The following GSK3B variants were observed in gnomAD, a reference collection of about 807,000 sequenced individuals.
GSK3B encodes glycogen synthase kinase-3 beta.
GSK3B carries 15 observed loss-of-function variants against 56.4 expected under a neutral mutation model. The ratio of observed to expected loss-of-function variants is 0.27; its 90% CI spans 0.18 to 0.41. GSK3B has a LOEUF of 0.41. GSK3B is among the 10% of genes least tolerant of loss of function. GSK3B has a pLI of 1.00. For missense variants in GSK3B, 300 were observed against 513.4 expected, an observed-to-expected ratio of 0.58 and a Z score of 4.02; for synonymous variants, 181 against 188.9, an observed-to-expected ratio of 0.96 and a Z score of 0.34.
chr3:119,994,430 C>T (rs991089172), intron 2 of GSK3B, among the ~76,000 whole-genome samples: 3 of 152,060 alleles, frequency 2.0e-5, no homozygotes, highest in African/African-American at 7.2e-5. Context: ...CATACTAAAA[C>T]TAGTTGGTAA....
At chr3:119,882,591 A>C (rs1180291665) in intron 7 of GSK3B, among the ~76,000 whole-genome samples, 2 of 152,184 alleles carry the variant, frequency 1.3e-5, no homozygotes, top group Non-Finnish European at 2.9e-5. Flanking sequence ...CATATAATTA[A>C]GGTTTGATAT....
chr3:120,022,944 C>T (rs2057892070), intron 1 of GSK3B, among the ~76,000 whole-genome samples: 1 of 152,192 alleles, frequency 6.6e-6, no homozygotes, highest in Non-Finnish European at 1.5e-5. Context: ...ACAGTGCTTA[C>T]TCATTATTCG....
chr3:119,827,426 T>A, intron 10 of GSK3B, among the ~76,000 whole-genome samples: 1 of 151,500 alleles, frequency 6.6e-6, no homozygotes, highest in East Asian at 1.9e-4. Context: ...TATCAACAGA[T>A]GAATGGATAA....
chr3:120,064,072 A>G (rs2058260297), intron 1 of GSK3B, among the ~76,000 whole-genome samples: 1 of 152,206 alleles, frequency 6.6e-6, no homozygotes, highest in East Asian at 1.9e-4. Context: ...AAGAATTATT[A>G]AATTGTTTTT....
intron 2 of GSK3B, among the ~76,000 whole-genome samples, chr3:119,987,461 A>G (rs1255498154): frequency 6.6e-6 from 1 of 152,248 alleles, no homozygotes; most frequent in Non-Finnish European, 1.5e-5. Flanking sequence ...TTTTACCTAC[A>G]TTAAAAAGTT....
At chr3:119,889,361 A>G (rs1011833118) in intron 7 of GSK3B, among the ~76,000 whole-genome samples, 1 of 152,174 alleles carries the variant, frequency 6.6e-6, no homozygotes, top group Non-Finnish European at 1.5e-5. Flanking sequence ...TATAAACAAC[A>G]AATATTGTAA....
At chr3:119,940,006 G>T (rs555432722) in intron 3 of GSK3B, among the ~76,000 whole-genome samples, 1 of 151,824 alleles carries the variant, frequency 6.6e-6, no homozygotes, top group Non-Finnish European at 1.5e-5. Flanking sequence ...GGAACACCAA[G>T]AACTAATGGT....
chr3:119,939,866 T>C (rs2057030180), intron 3 of GSK3B, among the ~76,000 whole-genome samples: 1 of 152,094 alleles, frequency 6.6e-6, no homozygotes, highest in African/African-American at 2.4e-5. Context: ...TACTAAAATT[T>C]GAGGCTCTAG....
intron 1 of GSK3B, chr3:120,028,806 G>A (rs1483267110): frequency 1.4e-5 from 6 of 443,738 alleles, no homozygotes; most frequent in African/African-American, 4.0e-5. Flanking sequence ...GCCAGTGGGC[G>A]GCCGCAGCTG....
chr3:119,940,996 C>T (rs1227305802), intron 3 of GSK3B, among the ~76,000 whole-genome samples: 1 of 151,438 alleles, frequency 6.6e-6, no homozygotes, highest in Non-Finnish European at 1.5e-5. Flanking sequence ...ACTTCTAGTA[C>T]TGCAACTATT....
In GSK3B at chr3:120,009,845, T is replaced by TA. The variant is rs201007907; in HGVS notation, c.89-7607dup. ...CCACAACTTAAAGTATAATAATAAT[T>TA]AAAAAAAAAGATGGCACTCATGACA... On this transcript the variant is annotated intron_variant, in intron 1 of 10. Coordinates refer to ENST00000264235, the MANE Select transcript of GSK3B (RefSeq NM_001146156.2). Among the ~76,000 whole-genome samples the TA allele has an allele frequency of 1.4e-4, 21 of 150,632 alleles. No homozygotes were observed. In the East Asian group the frequency reaches 2.1e-3, roughly 15 times the overall value.
At chr3:119,942,947 T>C (rs1246996194) in intron 3 of GSK3B, among the ~76,000 whole-genome samples, 2 of 152,130 alleles carry the variant, frequency 1.3e-5, no homozygotes, top group African/African-American at 2.4e-5. Flanking sequence ...AGTATACGAA[T>C]TGACTACATG....
intron 1 of GSK3B, among the ~76,000 whole-genome samples, chr3:120,083,697 A>T (rs1022218660): frequency 2.0e-5 from 3 of 152,182 alleles, no homozygotes; most frequent in African/African-American, 7.2e-5. Flanking sequence ...CCACACAAAA[A>T]CTTGCACACA....
chr3:119,948,225 ATAAAG>A (rs1337313988), intron 2 of GSK3B, among the ~76,000 whole-genome samples: 1 of 152,236 alleles, frequency 6.6e-6, no homozygotes, highest in Non-Finnish European at 1.5e-5. Context: ...GCTAGAAAAC[ATAAAG>A]TATACACCTG....
intron 1 of GSK3B, 59 bp downstream of exon 1, chr3:120,093,288 G>T: frequency 9.2e-7 from 1 of 1,083,420 alleles, no homozygotes. Flanking sequence ...CTGGTATTTC[G>T]AGGTTTCTTA....
At chr3:119,982,439 C>G (rs2057472636) in intron 2 of GSK3B, among the ~76,000 whole-genome samples, 1 of 152,106 alleles carries the variant, frequency 6.6e-6, no homozygotes, top group African/African-American at 2.4e-5. Flanking sequence ...AATGTTCAAA[C>G]CCATCGCAAG....
chr3:119,942,389 C>G (rs984700496), intron 3 of GSK3B, among the ~76,000 whole-genome samples: 1 of 152,142 alleles, frequency 6.6e-6, no homozygotes, highest in African/African-American at 2.4e-5. Context: ...ACCTCCTCCT[C>G]CTGGGTTCAA....
Position 119,826,523 on chromosome 3 carries a change from A to T in GSK3B, c.*265T>A. 1.7e-6 allele frequency: 1 copy of T among 574,042 alleles called. No homozygotes were observed. Among genetic ancestry groups the T allele is most frequent in the Admixed American group, 2.8e-5 (1 of 35,786 alleles). 35.6% of individuals were successfully genotyped at this position (574,042 alleles called of 1,614,324 possible). On this transcript the variant is annotated 3_prime_UTR_variant, in exon 11 of 11. Coordinates refer to ENST00000264235, the MANE Select transcript of GSK3B (RefSeq NM_001146156.2). Reference sequence around the variant, plus strand: ...AAGATTGTCGTGGGAGAGAGATTGTATGTTCTAGTGCTCCGCTTTCCCCCT... The same window carrying T: ...AAGATTGTCGTGGGAGAGAGATTGTTTGTTCTAGTGCTCCGCTTTCCCCCT...
chr3:119,854,755 C>T (rs568497302), intron 9 of GSK3B, among the ~76,000 whole-genome samples: 2 of 152,256 alleles, frequency 1.3e-5, no homozygotes, highest in Admixed American at 6.5e-5. Flanking sequence ...TCTGTGGGAT[C>T]GGTGGTGATA....
Sources: gnomAD v4.1 joint callset for allele counts (sites outside exome capture counted in the v4.1 genomes callset) on GRCh38, gnomAD v4.1.1 for gene constraint, MANE v1.5 for transcripts, NCBI Gene and HGNC (gene_info 2026-07-23, HGNC 2026-07-21) for gene names.